OLIG1: variants seen among roughly 807,000 people sequenced by gnomAD.
OLIG1 encodes oligodendrocyte transcription factor 1, also known as basic domain, helix-loop-helix protein, class B, 6.
In OLIG1, 9 loss-of-function variants were observed where a neutral mutation model predicts 13.5. The observed-to-expected ratio is 0.67, with a 90% CI of 0.40 to 1.17. OLIG1 has a LOEUF of 1.17. Among genes scored for constraint, OLIG1 ranks in the 50% most tolerant of loss-of-function variants. The probability of loss-of-function intolerance (pLI) is 0.01; values close to 1 mark genes in which losing one functional copy is unlikely to be tolerated. For missense variants in OLIG1, 362 were observed against 392.2 expected, an observed-to-expected ratio of 0.92 and a Z score of 0.65; for synonymous variants, 215 against 208.3, an observed-to-expected ratio of 1.03 and a Z score of -0.28.
In OLIG1 at chr21:33,071,166, A is replaced by C; in HGVS notation, c.*104A>C. 1 of 1,128,528 alleles carries C rather than the reference A, an allele frequency of 8.9e-7. No individual in the cohort carries two copies. The highest frequency in any genetic ancestry group is 1.2e-6 in the Non-Finnish European group (1 of 842,826). The allele number at this position is 1,128,528 out of a possible 1,614,324, so 69.9% of individuals were successfully genotyped here. A position where few individuals can be genotyped will look rare whatever the true frequency, so the allele number is the denominator to read the frequency against. On this transcript the variant is annotated 3_prime_UTR_variant, in exon 1 of 1. Transcript: ENST00000382348. This position sits in a 1 kb window ranked among gnomAD's most constrained non-coding sequence, Gnocchi z 6.0. ...TGGGAGAGCGAGGCCGAGCAAGGAA[A>C]GCATTTCGAACCTTCCAGTCCAGAG...
chr21:33,070,465 G>A lies in OLIG1; in HGVS notation c.219G>A (p.Pro73=). The A allele has an allele frequency of 6.6e-7, 1 of 1,524,382 alleles. No homozygotes were observed. The highest frequency in any genetic ancestry group is 1.2e-5 in the South Asian group (1 of 82,182). The allele number at this position is 1,524,382 out of a possible 1,614,324, so 94.4% of individuals were successfully genotyped here. Residue 73 remains proline (P), a synonymous_variant, in exon 1 of 1, where the codon CCG becomes CCA. Coordinates refer to ENST00000382348, the MANE Select transcript of OLIG1 (RefSeq NM_138983.3). This position sits in a 1 kb window ranked among gnomAD's most constrained non-coding sequence, Gnocchi z 5.9. ...PLLPKAAREK[P]EAPAEPPGPG... ...TCCCCAAGGCTGCGCGCGAGAAGCCGGAGGCGCCGGCCGAGCCTCCAGGCC... is the reference window on the plus strand; with the variant it reads ...TCCCCAAGGCTGCGCGCGAGAAGCCAGAGGCGCCGGCCGAGCCTCCAGGCC...
In OLIG1 at chr21:33,070,829, G is replaced by C. The variant is rs1490830546; in HGVS notation, c.583G>C (p.Ala195Pro). The change falls in exon 1 of 1, where the codon GCC (alanine) becomes CCC (proline). Residue 195 changes from alanine (A) to proline (P), a missense_variant. By Grantham distance (27) the Ala-to-Pro change is conservative. Coordinates refer to ENST00000382348, the MANE Select transcript of OLIG1 (RefSeq NM_138983.3). The surrounding 1 kb of genome is among the most constrained non-coding windows in gnomAD (Gnocchi z 5.9). ...RLLLAGLPLLAAAPGSVLLAP... is the reference protein window; with the variant it reads ...RLLLAGLPLLPAAPGSVLLAP... The stretch of plus-strand genomic sequence containing the variant: ...GCTGCTGGCCGGGCTGCCCCTGCTC[G>C]CCGCCGCGCCCGGCTCCGTGCTGCT... 8.6e-7 allele frequency: 1 copy of C among 1,166,838 alleles called. No individual in the cohort carries two copies. Among genetic ancestry groups the C allele is most frequent in the Non-Finnish European group, 1.1e-6 (1 of 947,420 alleles). 72.3% of individuals were successfully genotyped at this position (1,166,838 alleles called of 1,614,324 possible). A position where few individuals can be genotyped will look rare whatever the true frequency, so the allele number is the denominator to read the frequency against.
chr21:33,070,254 A>G lies in OLIG1; in HGVS notation c.8A>G (p.Tyr3Cys). 1 of 1,540,868 alleles carries G rather than the reference A, an allele frequency of 6.5e-7. No individual in the cohort carries two copies. Among genetic ancestry groups the G allele is most frequent in the Non-Finnish European group, 8.7e-7 (1 of 1,142,880 alleles). Residue 3 changes from tyrosine to cysteine, a missense_variant, in exon 1 of 1, where the codon TAT becomes TGT. This residue lies in a region of OLIG1 where 206 missense variants were observed against 197.2 expected (regional missense o/e 1.04). Coordinates refer to ENST00000382348, the MANE Select transcript of OLIG1 (RefSeq NM_138983.3). The surrounding 1 kb of genome is among the most constrained non-coding windows in gnomAD (Gnocchi z 5.9). MY[Y>C]AVSQARVNAV... ...GCCCCCACCGCCTCCCAGATGTACT[A>G]TGCGGTTTCCCAGGCGCGCGTGAAC...
rs2123303020 is a variant in OLIG1, at chr21:33,070,429, G to A, written c.183G>A (p.Thr61=). ...STSSTSSSST[T]APLLPKAARE... Reference sequence around the variant, plus strand: ...CCTCCACTTCCTCCTCCTCCACGACGGCCCCCCTCCTCCCCAAGGCTGCGC... The same window carrying A: ...CCTCCACTTCCTCCTCCTCCACGACAGCCCCCCTCCTCCCCAAGGCTGCGC... The change falls in exon 1 of 1, where the codon ACG becomes ACA. Residue 61 remains threonine, a synonymous_variant. Transcript: ENST00000382348. The surrounding 1 kb of genome is among the most constrained non-coding windows in gnomAD (Gnocchi z 5.9). 3 of 1,528,530 alleles carry A rather than the reference G, an allele frequency of 2.0e-6. No individual in the cohort carries two copies. In the East Asian group the frequency reaches 7.5e-5, roughly 38 times the overall value. The allele number at this position is 1,528,530 out of a possible 1,614,324, so 94.7% of individuals were successfully genotyped here.
rs1348081183 is a variant in OLIG1 at position 33,070,732 on chromosome 21, A to T, written c.486A>T (p.Leu162=). The change falls in exon 1 of 1, where the codon CTA becomes CTT. Residue 162 remains leucine (L), a synonymous_variant. Transcript: ENST00000382348. The surrounding 1 kb of genome is among the most constrained non-coding windows in gnomAD (Gnocchi z 5.9). The part of the protein sequence containing the change: ...ATLLLARNYI[L]LLGSSLQELR... ...TGCTGCTCGCCCGCAACTACATCCT[A>T]CTGCTGGGCAGCTCGCTGCAGGAGC... 4 of 1,437,746 alleles carry T rather than the reference A, an allele frequency of 2.8e-6. No individual in the cohort carries two copies. The highest frequency in any genetic ancestry group is 3.6e-6 in the Non-Finnish European group (4 of 1,097,262). 89.1% of individuals were successfully genotyped at this position (1,437,746 alleles called of 1,614,324 possible). A position where few individuals can be genotyped will look rare whatever the true frequency, so the allele number is the denominator to read the frequency against.
chr21:33,070,490 C>T lies in OLIG1; in HGVS notation c.244C>T (p.Pro82Ser), dbSNP rs1273400704. Residue 82 changes from proline (P) to serine (S), a missense_variant, in exon 1 of 1, where the codon CCC becomes TCC. By Grantham distance (74) the Pro-to-Ser change is moderately conservative (BLOSUM62 -1). Coordinates refer to ENST00000382348, the MANE Select transcript of OLIG1 (RefSeq NM_138983.3). This position sits in a 1 kb window ranked among gnomAD's most constrained non-coding sequence, Gnocchi z 5.9. ...KPEAPAEPPG[P>S]GPGSGAHPGG... is the part of the protein sequence containing the mutation. ...GGAGGCGCCGGCCGAGCCTCCAGGCCCCGGGCCCGGGTCAGGCGCGCACCC... is the reference window on the plus strand; with the variant it reads ...GGAGGCGCCGGCCGAGCCTCCAGGCTCCGGGCCCGGGTCAGGCGCGCACCC... The T allele has an allele frequency of 2.0e-6, 3 of 1,518,470 alleles. No individual in the cohort carries two copies. Among genetic ancestry groups the T allele is most frequent in the Non-Finnish European group, 2.6e-6 (3 of 1,138,242 alleles). The allele number at this position is 1,518,470 out of a possible 1,614,324, so 94.1% of individuals were successfully genotyped here. A position where few individuals can be genotyped will look rare whatever the true frequency, so the allele number is the denominator to read the frequency against.
rs369461854 is a variant in OLIG1, at chr21:33,071,038, C to T, written c.792C>T (p.Ala264=). The T allele has an allele frequency of 6.6e-7, 1 of 1,508,898 alleles. No homozygotes were observed. Among genetic ancestry groups the T allele is most frequent in the Non-Finnish European group, 8.8e-7 (1 of 1,133,862 alleles). 93.5% of individuals were successfully genotyped at this position (1,508,898 alleles called of 1,614,324 possible). ...TCCCGGCCAGCCTGGGCCTGGCCGC[C>T]GTGCAGGCGCAATTCTCCAAGTGAG... ...HLVPASLGLA[A]VQAQFSK Residue 264 remains alanine (A), a synonymous_variant, in exon 1 of 1, where the codon GCC becomes GCT. Transcript: ENST00000382348. The surrounding 1 kb of genome is among the most constrained non-coding windows in gnomAD (Gnocchi z 6.0).
chr21:33,071,104 C>G lies in OLIG1; in HGVS notation c.*42C>G. On this transcript the variant is annotated 3_prime_UTR_variant, in exon 1 of 1. Transcript: ENST00000382348. The surrounding 1 kb of genome is among the most constrained non-coding windows in gnomAD (Gnocchi z 6.0). Reference sequence around the variant, plus strand: ...GGGGCGCGACCTCGGCCCGGCCTCCCTTCGCTCAGCTTCTCCGCGCCCCTG... The same window carrying G: ...GGGGCGCGACCTCGGCCCGGCCTCCGTTCGCTCAGCTTCTCCGCGCCCCTG... 7.0e-7 allele frequency: 1 copy of G among 1,426,760 alleles called. No homozygotes were observed. The highest frequency in any genetic ancestry group is 9.2e-7 in the Non-Finnish European group (1 of 1,088,240). 88.4% of individuals were successfully genotyped at this position (1,426,760 alleles called of 1,614,324 possible).
rs1040336027 is a variant in OLIG1, at chr21:33,071,295, C to T, written c.*233C>T. Reference sequence around the variant, plus strand: ...CTCGGGGCAGTTTGGGGTTCTGGGTCGGTTCCAGCGGCTTTAGGCAGAAAG... The same window carrying T: ...CTCGGGGCAGTTTGGGGTTCTGGGTTGGTTCCAGCGGCTTTAGGCAGAAAG... On this transcript the variant is annotated 3_prime_UTR_variant, in exon 1 of 1. Transcript: ENST00000382348. This position sits in a 1 kb window ranked among gnomAD's most constrained non-coding sequence, Gnocchi z 6.0. 7.4e-5 allele frequency: 30 copies of T among 404,160 alleles called. No homozygotes were observed. The highest frequency in any genetic ancestry group is 1.2e-4 in the Non-Finnish European group (26 of 217,170). 25.0% of individuals were successfully genotyped at this position (404,160 alleles called of 1,614,324 possible).
At position 33,070,544 on chromosome 21, in the gene OLIG1, G is replaced by A. The variant is rs2123303234; in HGVS notation, c.298G>A (p.Glu100Lys). The A allele has an allele frequency of 4.0e-6, 6 of 1,510,474 alleles. No individual in the cohort carries two copies. Among genetic ancestry groups the A allele is most frequent in the East Asian group, 2.7e-5 (1 of 36,442 alleles). The allele number at this position is 1,510,474 out of a possible 1,614,324, so 93.6% of individuals were successfully genotyped here. The change falls in exon 1 of 1, where the codon GAG (glutamate) becomes AAG (lysine). Residue 100 changes from glutamate (E) to lysine (K), a missense_variant. Physicochemically the swap from Glu to Lys is moderately conservative, Grantham distance 56 (BLOSUM62 1). Transcript: ENST00000382348. This position sits in a 1 kb window ranked among gnomAD's most constrained non-coding sequence, Gnocchi z 5.9. ...PGGSARPDAK[E>K]EQQQQLRRKI... ...CGGCAGCGCCCGGCCGGACGCCAAG[G>A]AGGAGCAGCAGCAGCAGCTGCGGCG...
chr21:33,070,625 G>A lies in OLIG1; in HGVS notation c.379G>A (p.Ala127Thr), dbSNP rs779026714. Reference protein sequence around the residue: ...RMQDLNLAMDALREVILPYSA... With the variant: ...RMQDLNLAMDTLREVILPYSA... ...GCAGGACCTGAACCTGGCCATGGAC[G>A]CCCTGCGCGAGGTCATCCTGCCCTA... Residue 127 changes from alanine to threonine, a missense_variant, in exon 1 of 1, where the codon GCC becomes ACC. Transcript: ENST00000382348. This position sits in a 1 kb window ranked among gnomAD's most constrained non-coding sequence, Gnocchi z 5.9. 6.3e-7 allele frequency: 1 copy of A among 1,574,974 alleles called. No individual in the cohort carries two copies. Among genetic ancestry groups the A allele is most frequent in the South Asian group, 1.1e-5 (1 of 87,376 alleles).
In OLIG1 at chr21:33,070,497, C is replaced by G; in HGVS notation, c.251C>G (p.Pro84Arg). 6.6e-7 allele frequency: 1 copy of G among 1,514,946 alleles called. No homozygotes were observed. The highest frequency in any genetic ancestry group is 1.2e-5 in the South Asian group (1 of 81,160). 93.8% of individuals were successfully genotyped at this position (1,514,946 alleles called of 1,614,324 possible). A position where few individuals can be genotyped will look rare whatever the true frequency, so the allele number is the denominator to read the frequency against. The change falls in exon 1 of 1, where the codon CCC becomes CGC. Residue 84 changes from proline to arginine, a missense_variant. Transcript: ENST00000382348. This position sits in a 1 kb window ranked among gnomAD's most constrained non-coding sequence, Gnocchi z 5.9. ...CCGGCCGAGCCTCCAGGCCCCGGGC[C>G]CGGGTCAGGCGCGCACCCGGGCGGC... is the stretch of plus-strand genomic sequence containing the variant. ...EAPAEPPGPGPGSGAHPGGSA... is the reference protein window; with the variant it reads ...EAPAEPPGPGRGSGAHPGGSA...
In OLIG1 at chr21:33,071,049, A is replaced by G; in HGVS notation, c.803A>G (p.Gln268Arg). ...CTGGGCCTGGCCGCCGTGCAGGCGCAATTCTCCAAGTGAGGGCGGGCCTGG... is the reference window on the plus strand; with the variant it reads ...CTGGGCCTGGCCGCCGTGCAGGCGCGATTCTCCAAGTGAGGGCGGGCCTGG... ...ASLGLAAVQA[Q>R]FSK Residue 268 changes from glutamine (Q) to arginine (R), a missense_variant, in exon 1 of 1, where the codon CAA becomes CGA. Coordinates refer to ENST00000382348, the MANE Select transcript of OLIG1 (RefSeq NM_138983.3). This position sits in a 1 kb window ranked among gnomAD's most constrained non-coding sequence, Gnocchi z 6.0. 2 of 1,433,954 alleles carry G rather than the reference A, an allele frequency of 1.4e-6. No individual in the cohort carries two copies. Among genetic ancestry groups the G allele is most frequent in the Middle Eastern group, 5.2e-4 (2 of 3,846 alleles). 88.8% of individuals were successfully genotyped at this position (1,433,954 alleles called of 1,614,324 possible).
Position 33,070,332 on chromosome 21 carries a change from G to T in OLIG1, c.86G>T (p.Gly29Val). The change falls in exon 1 of 1, where the codon GGG becomes GTG. Residue 29 changes from glycine (G) to valine (V), a missense_variant. By Grantham distance (109) the Gly-to-Val change is moderately radical. Coordinates refer to ENST00000382348, the MANE Select transcript of OLIG1 (RefSeq NM_138983.3). This position sits in a 1 kb window ranked among gnomAD's most constrained non-coding sequence, Gnocchi z 5.9. ...RPQRPGDLQL[G>V]ASLYELVGYR... ...CAGCGGCCCGGAGACTTGCAGCTCG[G>T]GGCCTCCCTCTACGAGCTGGTGGGC... The T allele has an allele frequency of 6.5e-7, 1 of 1,546,584 alleles. No individual in the cohort carries two copies. The highest frequency in any genetic ancestry group is 8.7e-7 in the Non-Finnish European group (1 of 1,145,558).
At position 33,070,974 on chromosome 21, in the gene OLIG1, G is replaced by A; in HGVS notation, c.728G>A (p.Gly243Asp). 1 of 1,464,568 alleles carries A rather than the reference G, an allele frequency of 6.8e-7. No individual in the cohort carries two copies. Among genetic ancestry groups the A allele is most frequent in the Non-Finnish European group, 9.0e-7 (1 of 1,113,836 alleles). The allele number at this position is 1,464,568 out of a possible 1,614,324, so 90.7% of individuals were successfully genotyped here. ...CCCGGCGGCGGCGCAGGCGGCCCCG[G>A]CCTCTGCACCTGCGCCGTGTGCAAG... ...ALPGGGAGGP[G>D]LCTCAVCKFP... Residue 243 changes from glycine to aspartate, a missense_variant, in exon 1 of 1, where the codon GGC (glycine) becomes GAC (aspartate). By Grantham distance (94) the Gly-to-Asp change is moderately conservative. Coordinates refer to ENST00000382348, the MANE Select transcript of OLIG1 (RefSeq NM_138983.3). This position sits in a 1 kb window ranked among gnomAD's most constrained non-coding sequence, Gnocchi z 5.9.
At position 33,070,371 on chromosome 21, in the gene OLIG1, C is replaced by A; in HGVS notation, c.125C>A (p.Pro42His). The change falls in exon 1 of 1, where the codon CCC becomes CAC. Residue 42 changes from proline (P) to histidine (H), a missense_variant. Pro to His is a moderately conservative substitution (Grantham distance 77, BLOSUM62 -2). Coordinates refer to ENST00000382348, the MANE Select transcript of OLIG1 (RefSeq NM_138983.3). The surrounding 1 kb of genome is among the most constrained non-coding windows in gnomAD (Gnocchi z 5.9). The part of the protein sequence containing the change: ...LYELVGYRQP[P>H]SSSSSSTSST... ...GAGCTGGTGGGCTACAGGCAGCCGC[C>A]CTCCTCCTCCTCCTCCTCCACCTCC... 1 of 1,400,076 alleles carries A rather than the reference C, an allele frequency of 7.1e-7. No individual in the cohort carries two copies. Among genetic ancestry groups the A allele is most frequent in the Middle Eastern group, 1.9e-4 (1 of 5,146 alleles). 86.7% of individuals were successfully genotyped at this position (1,400,076 alleles called of 1,614,324 possible).
At position 33,070,586 on chromosome 21, in the gene OLIG1, G is replaced by A; in HGVS notation, c.340G>A (p.Glu114Lys). Residue 114 changes from glutamate (E) to lysine (K), a missense_variant, in exon 1 of 1, where the codon GAG becomes AAG. Glu to Lys is a moderately conservative substitution (Grantham distance 56). This residue lies in a region of OLIG1 where 206 missense variants were observed against 197.2 expected (regional missense o/e 1.04). Coordinates refer to ENST00000382348, the MANE Select transcript of OLIG1 (RefSeq NM_138983.3). This position sits in a 1 kb window ranked among gnomAD's most constrained non-coding sequence, Gnocchi z 5.9. ...GCTGCGGCGCAAGATCAACAGCCGC[G>A]AGCGGAAGCGCATGCAGGACCTGAA... ...QQLRRKINSR[E>K]RKRMQDLNLA... The A allele has an allele frequency of 1.3e-6, 2 of 1,559,484 alleles. No individual in the cohort carries two copies. The highest frequency in any genetic ancestry group is 1.2e-5 in the South Asian group (1 of 85,290).
At position 33,071,443 on chromosome 21, in the gene OLIG1, C is replaced by G. The variant is rs919928574; in HGVS notation, c.*381C>G. 5 of 171,952 alleles carry G rather than the reference C, an allele frequency of 2.9e-5. No individual in the cohort carries two copies. In the Admixed American group the frequency reaches 3.2e-4, roughly 11 times the overall value. 10.7% of individuals were successfully genotyped at this position (171,952 alleles called of 1,614,324 possible). On this transcript the variant is annotated 3_prime_UTR_variant, in exon 1 of 1. Transcript: ENST00000382348. This position sits in a 1 kb window ranked among gnomAD's most constrained non-coding sequence, Gnocchi z 6.0. ...GCCCCGGGTGCAGCGAGAGGCCATCCCCGAGCGCTACCTCCCCGGAGCGGA... is the reference window on the plus strand; with the variant it reads ...GCCCCGGGTGCAGCGAGAGGCCATCGCCGAGCGCTACCTCCCCGGAGCGGA...
In OLIG1 at chr21:33,070,495, G is replaced by A; in HGVS notation, c.249G>A (p.Gly83=). The change falls in exon 1 of 1, where the codon GGG becomes GGA. Residue 83 remains glycine (G), a synonymous_variant. Coordinates refer to ENST00000382348, the MANE Select transcript of OLIG1 (RefSeq NM_138983.3). This position sits in a 1 kb window ranked among gnomAD's most constrained non-coding sequence, Gnocchi z 5.9. ...CGCCGGCCGAGCCTCCAGGCCCCGG[G>A]CCCGGGTCAGGCGCGCACCCGGGCG... ...PEAPAEPPGP[G]PGSGAHPGGS... 1 of 1,515,294 alleles carries A rather than the reference G, an allele frequency of 6.6e-7. No individual in the cohort carries two copies. The highest frequency in any genetic ancestry group is 8.8e-7 in the Non-Finnish European group (1 of 1,136,886). The allele number at this position is 1,515,294 out of a possible 1,614,324, so 93.9% of individuals were successfully genotyped here. A position where few individuals can be genotyped will look rare whatever the true frequency, so the allele number is the denominator to read the frequency against.
Sources: gnomAD v4.1 joint callset for allele counts on GRCh38, gnomAD v4.1.1 for gene constraint, gnomAD v4.1.1 regional missense constraint, Gnocchi (gnomAD v3.1) non-coding constraint, MANE v1.5 for transcripts, NCBI Gene and HGNC (gene_info 2026-07-23, HGNC 2026-07-21) for gene names.